CHD2: variants seen among roughly 807,000 people sequenced by gnomAD.
CHD2 encodes chromodomain helicase DNA binding protein 2, also known as ATP-dependent chromatin remodeler CHD2.
Under a neutral mutation model 243.9 loss-of-function variants are expected in CHD2, and 28 were observed. The observed-to-expected ratio is 0.11, with a 90% CI of 0.09 to 0.16. The LOEUF is 0.16. Among genes scored for constraint, CHD2 ranks in the 10% least tolerant of loss-of-function variants. CHD2 has a pLI of 1.00. For synonymous variants in CHD2, 775 were observed against 779.0 expected (o/e 0.99, Z 0.09); for missense variants, 1,386 against 2,209.8 (o/e 0.63, Z 7.47).
intron 2 of CHD2, among the ~76,000 whole-genome samples, chr15:92,921,923 T>C (rs1246645971): frequency 1.3e-5 from 2 of 152,190 alleles, no homozygotes; most frequent in African/African-American, 4.8e-5. Flanking sequence ...CTTTTTTCTT[T>C]CCTGTTGACA....
chr15:93,026,857 G>C lies in CHD2; in HGVS notation c.*2152G>C, dbSNP rs1393955088. On this transcript the variant is annotated 3_prime_UTR_variant, in exon 39 of 39. Transcript: ENST00000394196. The stretch of plus-strand genomic sequence containing the variant: ...GAGTTGGGTAGTGTCCTTCAGGAAT[G>C]AAAGGAGGGGCAAAGGAGTCACCAG... 6.6e-6 allele frequency: 1 copy of C among 152,646 alleles called. No individual in the cohort carries two copies. Among genetic ancestry groups the C allele is most frequent in the Non-Finnish European group, 1.5e-5 (1 of 68,072 alleles). 9.5% of individuals were successfully genotyped at this position (152,646 alleles called of 1,614,324 possible).
chr15:92,909,466 A>G lies in CHD2; in HGVS notation c.62+8167A>G, dbSNP rs1199750979. ...AGTGCCTGCTAGCTGGTAATCTTTC[A>G]CTTTGGATTTTTTGTTGTTGTTGGG... On this transcript the variant is annotated intron_variant, in intron 2 of 38. Transcript: ENST00000394196. 2.0e-5 allele frequency among the ~76,000 whole-genome samples: 3 copies of G among 152,006 alleles called. No homozygotes were observed. The East Asian group carries it at 5.8e-4, about 29-fold the overall frequency.
chr15:93,019,090 A>T lies in CHD2; in HGVS notation c.4907-922A>T, dbSNP rs201038830. 4.6e-5 allele frequency among the ~76,000 whole-genome samples: 7 copies of T among 152,334 alleles called. No individual in the cohort carries two copies. In the East Asian group the frequency reaches 9.6e-4, roughly 21 times the overall value. ...GATTGTAGTTTGGCCTTAATCCGTA[A>T]GAGACAGAGCACTGATCCAAGCTCA... On this transcript the variant is annotated intron_variant, in intron 37 of 38. Coordinates refer to ENST00000394196, the MANE Select transcript of CHD2 (RefSeq NM_001271.4).
In CHD2 at chr15:92,918,871, T is replaced by A. The variant is rs981970916; in HGVS notation, c.63-5450T>A. Among the ~76,000 whole-genome samples the A allele has an allele frequency of 1.1e-4, 16 of 151,766 alleles. No homozygotes were observed. The South Asian group carries it at 1.5e-3, about 14-fold the overall frequency. ...TATATACATACATATATATATATAT[T>A]TTTTGAGACAGAGTTTTGCTGTTGA... On this transcript the variant is annotated intron_variant, in intron 2 of 38. Transcript: ENST00000394196.
intron 2 of CHD2, among the ~76,000 whole-genome samples, chr15:92,915,267 G>C (rs938052255): frequency 6.6e-6 from 1 of 151,916 alleles, no homozygotes; most frequent in Non-Finnish European, 1.5e-5. Context: ...AAGTTCAAAG[G>C]ATATAATTAA....
intron 17 of CHD2, among the ~76,000 whole-genome samples, chr15:92,969,819 T>C (rs995799609): frequency 6.6e-6 from 1 of 151,760 alleles, no homozygotes; most frequent in African/African-American, 2.4e-5. Context: ...TTTCTTTTTT[T>C]TTTTTTTTTT....
chr15:92,925,001 A>T (rs907301413), intron 3 of CHD2, among the ~76,000 whole-genome samples: 13 of 152,046 alleles, frequency 8.6e-5, no homozygotes, highest in Admixed American at 5.2e-4. Flanking sequence ...GGGTTTCATC[A>T]TGTTGGCCAT....
In CHD2 at chr15:92,984,492, A is replaced by T; in HGVS notation, c.3229A>T (p.Thr1077Ser). 6.2e-7 allele frequency: 1 copy of T among 1,609,752 alleles called. No individual in the cohort carries two copies. The highest frequency in any genetic ancestry group is 8.5e-7 in the Non-Finnish European group (1 of 1,178,060). The change falls in exon 25 of 39, where the codon ACT becomes TCT. Residue 1077 changes from threonine to serine, a missense_variant. Physicochemically the swap from Thr to Ser is moderately conservative, Grantham distance 58. This residue lies in a region of CHD2 where 99 missense variants were observed against 206.4 expected (regional missense o/e 0.48). Transcript: ENST00000394196. ...IYMLPRIRSS[T>S]KKAQTNDSDS... is the part of the protein sequence containing the mutation. ...TATGCTGCCTCGAATTCGGAGTTCCACTAAAAAGGTGATCAAGTGAGATGA... is the reference window on the plus strand; with the variant it reads ...TATGCTGCCTCGAATTCGGAGTTCCTCTAAAAAGGTGATCAAGTGAGATGA...
chr15:92,912,388 G>A (rs529732498), intron 2 of CHD2, among the ~76,000 whole-genome samples: 1 of 152,264 alleles, frequency 6.6e-6, no homozygotes, highest in South Asian at 2.1e-4. Flanking sequence ...GCGGAGTCTC[G>A]CTCTGTCGCC....
At chr15:93,007,880 C>T (rs922245527) in intron 34 of CHD2, among the ~76,000 whole-genome samples, 1 of 152,188 alleles carries the variant, frequency 6.6e-6, no homozygotes, top group African/African-American at 2.4e-5. Context: ...TCCTCCACCG[C>T]TCTCGAATAT....
At position 92,946,125 on chromosome 15, in the gene CHD2, A is replaced by G. The variant is rs771235266; in HGVS notation, c.1286A>G (p.Asp429Gly). Residue 429 changes from aspartate (D) to glycine (G), a missense_variant, in exon 12 of 39, where the codon GAT becomes GGT. Asp to Gly is a moderately conservative substitution (Grantham distance 94). Coordinates refer to ENST00000394196, the MANE Select transcript of CHD2 (RefSeq NM_001271.4). Reference protein sequence around the residue: ...GLPYSECSWEDEALIGKKFQN... With the variant: ...GLPYSECSWEGEALIGKKFQN... ...CCCTATTCAGAGTGTAGCTGGGAAG[A>G]TGAAGCCCTCATTGGAAAGAAATTC... 1.9e-6 allele frequency: 3 copies of G among 1,613,414 alleles called. No homozygotes were observed. The highest frequency in any genetic ancestry group is 2.5e-6 in the Non-Finnish European group (3 of 1,179,520).
chr15:92,996,845 A>G lies in CHD2; in HGVS notation c.3596-112A>G. 8 of 1,045,730 alleles carry G rather than the reference A, an allele frequency of 7.7e-6. No individual in the cohort carries two copies. In the South Asian group the frequency reaches 9.6e-5, roughly 13 times the overall value. The allele number at this position is 1,045,730 out of a possible 1,614,324, so 64.8% of individuals were successfully genotyped here. ...TATAGATTATATCTTCAAAATAACA[A>G]TAAGCCAGAGATATATTCAGAGAGA... On this transcript the variant is annotated intron_variant, in intron 28 of 38. Coordinates refer to ENST00000394196, the MANE Select transcript of CHD2 (RefSeq NM_001271.4).
intron 21 of CHD2, among the ~76,000 whole-genome samples, chr15:92,978,636 T>G (rs758933594): frequency 1.3e-5 from 2 of 152,208 alleles, no homozygotes. Flanking sequence ...TTGAGAGAGA[T>G]ATATGATGAA....
At chr15:92,925,461 T>C (rs537947962) in intron 3 of CHD2, among the ~76,000 whole-genome samples, 1 of 152,320 alleles carries the variant, frequency 6.6e-6, no homozygotes, top group East Asian at 1.9e-4. Flanking sequence ...AATAAAGTCA[T>C]AATAGTTGAG....
chr15:92,924,910 C>T (rs878956289), intron 3 of CHD2, among the ~76,000 whole-genome samples: 1 of 152,148 alleles, frequency 6.6e-6, no homozygotes. Flanking sequence ...AAGTGATTCT[C>T]CTGCCTCAGT....
intron 35 of CHD2, among the ~76,000 whole-genome samples, chr15:93,012,001 C>T (rs2054399781): frequency 6.6e-6 from 1 of 152,148 alleles, no homozygotes. Flanking sequence ...GAGCCTTAGT[C>T]TCTAAATCCC....
At chr15:92,965,468 A>G (rs1214347908) in intron 16 of CHD2, 1 of 150,144 alleles carries the variant, frequency 6.7e-6, no homozygotes, top group Non-Finnish European at 1.5e-5. Context: ...ATGCAGGAGA[A>G]TGGCGTCAAC....
At chr15:92,938,183 A>T (rs568793960) in intron 6 of CHD2, among the ~76,000 whole-genome samples, 5 of 152,284 alleles carry the variant, frequency 3.3e-5, no homozygotes, top group Non-Finnish European at 7.4e-5. Flanking sequence ...TTCATCCACC[A>T]CCTATTTTCA....
chr15:92,977,717 A>G (rs750447415), intron 20 of CHD2, among the ~76,000 whole-genome samples: 20 of 152,122 alleles, frequency 1.3e-4, no homozygotes, highest in Non-Finnish European at 1.8e-4. Flanking sequence ...GTAATTGAGG[A>G]TCCTGTGGTT....
Sources: allele counts gnomAD v4.1 joint callset (sites outside exome capture counted in the v4.1 genomes callset), GRCh38; gene constraint gnomAD v4.1.1; regional missense constraint gnomAD v4.1.1; transcripts MANE v1.5; gene names NCBI Gene and HGNC (gene_info 2026-07-23, HGNC 2026-07-21).